The following FBXO34 variants were observed in gnomAD, a reference collection of about 807,000 sequenced individuals.
The protein encoded by FBXO34 is F-box only protein 34.
FBXO34 carries 12 observed loss-of-function variants against 24.5 expected under a neutral mutation model. The observed-to-expected ratio is 0.49, with a 90% CI of 0.31 to 0.79. FBXO34 has a LOEUF of 0.79. Among genes scored for constraint, FBXO34 ranks in the 30% least tolerant of loss-of-function variants. FBXO34 has a pLI of 0.04. For missense variants in FBXO34, 823 were observed against 857.7 expected, an observed-to-expected ratio of 0.96 and a Z score of 0.51; for synonymous variants, 320 against 311.9, an observed-to-expected ratio of 1.03 and a Z score of -0.27.
chr14:55,297,758 A>G (rs754593117), intron 1 of FBXO34, among the ~76,000 whole-genome samples: 1 of 152,218 alleles, frequency 6.6e-6, no homozygotes, highest in Non-Finnish European at 1.5e-5. Context: ...TTCCCAAGAA[A>G]GGATCTCACT....
At chr14:55,413,848 G>T in the FBXO34 span, 1 of 405,558 alleles carries the variant, frequency 2.5e-6, no homozygotes, top group East Asian at 5.9e-5. Context: ...AATGCCAACA[G>T]CATGCTGGGT....
chr14:55,434,138 C>A, the FBXO34 span, among the ~76,000 whole-genome samples: 1 of 152,152 alleles, frequency 6.6e-6, no homozygotes, highest in African/African-American at 2.4e-5. Flanking sequence ...TTTGAAGAAT[C>A]TTTTGGGAAA....
At chr14:55,304,788 G>GT (rs1457942240) in intron 1 of FBXO34, among the ~76,000 whole-genome samples, 1 of 152,082 alleles carries the variant, frequency 6.6e-6, no homozygotes, top group Non-Finnish European at 1.5e-5. Flanking sequence ...TTGAGCCATT[G>GT]TGCCCAACCC....
the FBXO34 span, among the ~76,000 whole-genome samples, chr14:55,405,952 G>A: frequency 3.9e-5 from 6 of 152,020 alleles, no homozygotes; most frequent in Admixed American, 3.9e-4. Flanking sequence ...AGGACTGGGG[G>A]CAAGGTGGGG....
intron 1 of FBXO34, among the ~76,000 whole-genome samples, chr14:55,313,153 C>G (rs928503019): frequency 6.6e-6 from 1 of 152,142 alleles, no homozygotes; most frequent in Non-Finnish European, 1.5e-5. Context: ...AACATTTCTT[C>G]TACGAGATAC....
the FBXO34 span, chr14:55,437,028 T>A: frequency 1.1e-5 from 18 of 1,610,922 alleles, 1 homozygote; most frequent in South Asian, 1.9e-4. Flanking sequence ...CCTAGGCAGT[T>A]CCCAAAACAG....
At chr14:55,315,961 A>T (rs547537479) in intron 1 of FBXO34, among the ~76,000 whole-genome samples, 115 of 152,152 alleles carry the variant, frequency 7.6e-4, no homozygotes, top group African/African-American at 2.7e-3. Context: ...GAACCTTGTT[A>T]TTCAAATATT....
the FBXO34 span, among the ~76,000 whole-genome samples, chr14:55,401,648 A>AT: frequency 4.0e-5 from 6 of 151,488 alleles, no homozygotes; most frequent in Non-Finnish European, 7.4e-5. Flanking sequence ...ATGACTTATG[A>AT]TTTTTTTTTC....
chr14:55,280,526 A>AATTTTTTTTTTT (rs201409175), intron 1 of FBXO34, among the ~76,000 whole-genome samples: 1 of 95,896 alleles, frequency 1.0e-5, no homozygotes, highest in Non-Finnish European at 1.9e-5. Context: ...TATATCAGGA[A>AATTTTTTTTTTT]CTTTTTTTTT....
intron 1 of FBXO34, among the ~76,000 whole-genome samples, chr14:55,338,688 C>G (rs1287699490): frequency 6.6e-6 from 1 of 152,100 alleles, no homozygotes; most frequent in African/African-American, 2.4e-5. Context: ...GTGGGTGCAT[C>G]ACAAGGTCAG....
At chr14:55,411,794 C>T in the FBXO34 span, 3 of 1,600,114 alleles carry the variant, frequency 1.9e-6, no homozygotes, top group Middle Eastern at 1.8e-4. Flanking sequence ...CTCCAGCGCC[C>T]GGGCTCCCTT....
chr14:55,286,199 T>G (rs1165418453), intron 1 of FBXO34, among the ~76,000 whole-genome samples: 1 of 152,224 alleles, frequency 6.6e-6, no homozygotes, highest in African/African-American at 2.4e-5. Context: ...TTTCTACTTT[T>G]AAAGGATGTT....
chr14:55,276,971 A>C (rs886369207), intron 1 of FBXO34, among the ~76,000 whole-genome samples: 32 of 152,338 alleles, frequency 2.1e-4, no homozygotes, highest in African/African-American at 7.7e-4. Flanking sequence ...CAGGTGAATA[A>C]GGATAAAACA....
At chr14:55,403,678 A>ACAACAT in the FBXO34 span, among the ~76,000 whole-genome samples, 2 of 152,196 alleles carry the variant, frequency 1.3e-5, no homozygotes, top group African/African-American at 4.8e-5. Flanking sequence ...CAAAACAACA[A>ACAACAT]CAACATCAAC....
At chr14:55,422,719 G>A in the FBXO34 span, among the ~76,000 whole-genome samples, 1 of 152,102 alleles carries the variant, frequency 6.6e-6, no homozygotes, top group African/African-American at 2.4e-5. Flanking sequence ...TGGGCATGGT[G>A]GCATGTGCCT....
At chr14:55,367,260 G>A (rs192918723) in exon 3 of FBXO34, 3 of 152,274 alleles carry the variant, frequency 2.0e-5, no homozygotes, top group East Asian at 1.9e-4. Context: ...CTTACAACTC[G>A]TGAGACTAAG....
At chr14:55,428,963 G>A in the FBXO34 span, 1 of 1,613,960 alleles carries the variant, frequency 6.2e-7, no homozygotes, top group South Asian at 1.1e-5. Context: ...TGCAAGTCGA[G>A]ACTGCTCTTC....
intron 1 of FBXO34, among the ~76,000 whole-genome samples, chr14:55,277,212 A>G (rs1881372937): frequency 6.6e-6 from 1 of 152,218 alleles, no homozygotes; most frequent in Admixed American, 6.5e-5. Flanking sequence ...TTCTGAAACT[A>G]CTTGTTCAAA....
chr14:55,393,254 G>T, the FBXO34 span, among the ~76,000 whole-genome samples: 18 of 152,136 alleles, frequency 1.2e-4, no homozygotes, highest in South Asian at 3.5e-3. Flanking sequence ...GCGTGGTGGT[G>T]GGCGCCTGTA....
Sources: allele counts gnomAD v4.1 joint callset (sites outside exome capture counted in the v4.1 genomes callset), GRCh38; gene constraint gnomAD v4.1.1; transcripts MANE v1.5; gene names NCBI Gene and HGNC (gene_info 2026-07-23, HGNC 2026-07-21).